TNPO3: variants seen among roughly 807,000 people sequenced by gnomAD.
TNPO3 encodes the protein transportin 3.
Under a neutral mutation model 122.8 loss-of-function variants are expected in TNPO3, and 65 were observed. That is an observed-to-expected ratio of 0.53 (90% CI 0.43 to 0.65). The LOEUF is 0.65. Ranked by LOEUF, TNPO3 falls within the 30% of genes least tolerant of loss-of-function variation. The probability of loss-of-function intolerance (pLI) is 0.00; values close to 1 mark genes in which losing one functional copy is unlikely to be tolerated. For synonymous variants in TNPO3, 372 were observed against 411.2 expected (o/e 0.90, Z 1.15); for missense variants, 850 against 1,136.7 (o/e 0.75, Z 3.63).
At chr7:129,020,327 CT>C (rs1804334266) in intron 1 of TNPO3, among the ~76,000 whole-genome samples, 1 of 152,120 alleles carries the variant, frequency 6.6e-6, no homozygotes, top group Non-Finnish European at 1.5e-5. Flanking sequence ...ACCAATTTTC[CT>C]TTCTCAAGTA....
At chr7:128,969,354 C>T (rs1350293256) in intron 20 of TNPO3, among the ~76,000 whole-genome samples, 1 of 151,988 alleles carries the variant, frequency 6.6e-6, no homozygotes, top group African/African-American at 2.4e-5. Flanking sequence ...TGTATTGAAC[C>T]AGAGAGGAAT....
chr7:128,975,742 G>T, intron 17 of TNPO3, 77 bp downstream of exon 17: 2 of 857,274 alleles, frequency 2.3e-6, no homozygotes, highest in South Asian at 1.5e-5. Context: ...CAGAATTAAA[G>T]ACATGGTAAA....
chr7:128,974,034 C>T (rs1023445655), intron 18 of TNPO3, among the ~76,000 whole-genome samples: 3 of 150,462 alleles, frequency 2.0e-5, no homozygotes, highest in Admixed American at 2.0e-4. Flanking sequence ...ATTAGCTGGG[C>T]ATGGTGGTGG....
At chr7:128,957,909 A>G (rs1362119786) in intron 21 of TNPO3, among the ~76,000 whole-genome samples, 2 of 152,172 alleles carry the variant, frequency 1.3e-5, no homozygotes, top group Non-Finnish European at 2.9e-5. Flanking sequence ...AAAGGGTTAA[A>G]GCATGTAGAA....
In TNPO3 at chr7:129,000,464, G is replaced by C; in HGVS notation, c.976C>G (p.Leu326Val). The C allele has an allele frequency of 6.2e-7, 1 of 1,614,126 alleles. No homozygotes were observed. Among genetic ancestry groups the C allele is most frequent in the Non-Finnish European group, 8.5e-7 (1 of 1,180,000 alleles). ...QGLGDLRTLELLLICAGHPQY... is the reference protein window; with the variant it reads ...QGLGDLRTLEVLLICAGHPQY... Reference sequence around the variant, plus strand: ...GGATGGCCTGCACAGATAAGCAGCAGCTCCAGAGTTCGAAGGTCCCCAAGA... The same window carrying C: ...GGATGGCCTGCACAGATAAGCAGCACCTCCAGAGTTCGAAGGTCCCCAAGA... Residue 326 changes from leucine to valine, a missense_variant, in exon 7 of 23, where the codon CTG (leucine) becomes GTG (valine). Coordinates refer to ENST00000265388, the MANE Select transcript of TNPO3 (RefSeq NM_012470.4).
rs564041510 is a variant in TNPO3 at position 128,998,602 on chromosome 7, C to G, written c.1012-1067G>C. Among the ~76,000 whole-genome samples, 3 of 152,284 alleles carry G rather than the reference C, an allele frequency of 2.0e-5. No homozygotes were observed. The Middle Eastern group carries it at 0.01, about 518-fold the overall frequency. On this transcript the variant is annotated intron_variant, in intron 7 of 22. Transcript: ENST00000265388. ...ACAGTGGTGTAATCATGGCTCACTG[C>G]AGCCTCAAACTCCTGGGCTCAAGTG...
At chr7:128,984,291 T>C (rs1799926083) in intron 12 of TNPO3, 32 bp from the exon 13 acceptor site, 1 of 1,535,210 alleles carries the variant, frequency 6.5e-7, no homozygotes, top group Admixed American at 1.7e-5. Flanking sequence ...AAATGAAAAA[T>C]AAACGCTGAA....
At position 128,970,150 on chromosome 7, in the gene TNPO3, G is replaced by A. The variant is rs746758511; in HGVS notation, c.2596C>T (p.Pro866Ser). Residue 866 changes from proline (P) to serine (S), a missense_variant and splice_region_variant, in exon 20 of 23, where the codon CCG becomes TCG. Physicochemically the swap from Pro to Ser is moderately conservative, Grantham distance 74. Coordinates refer to ENST00000265388, the MANE Select transcript of TNPO3 (RefSeq NM_012470.4). Reference protein sequence around the residue: ...VLWEIMQVDRPTFCRWLENSL... With the variant: ...VLWEIMQVDRSTFCRWLENSL... ...ATTCCTCATGAAAACAATCTTACCG[G>A]TCTGTCAACCTGCATGATCTCCCAG... 2 of 1,614,038 alleles carry A rather than the reference G, an allele frequency of 1.2e-6. No individual in the cohort carries two copies. Among genetic ancestry groups the A allele is most frequent in the Admixed American group, 1.7e-5 (1 of 60,010 alleles).
intron 1 of TNPO3, among the ~76,000 whole-genome samples, chr7:129,048,882 G>T (rs1032657009): frequency 1.3e-5 from 2 of 152,132 alleles, no homozygotes; most frequent in African/African-American, 4.8e-5. Context: ...AATAACCATG[G>T]TTTATTTCTT....
chr7:128,983,410 T>C (rs1010579148), intron 13 of TNPO3, among the ~76,000 whole-genome samples: 5 of 152,152 alleles, frequency 3.3e-5, no homozygotes, highest in Non-Finnish European at 5.9e-5. Context: ...GGTTTCACCA[T>C]GTTGGTCAGA....
intron 4 of TNPO3, among the ~76,000 whole-genome samples, chr7:129,011,543 C>T (rs1252602569): frequency 1.3e-5 from 2 of 151,954 alleles, no homozygotes; most frequent in Non-Finnish European, 1.5e-5. Flanking sequence ...GGGGTTTCAC[C>T]ATGTTGGCCA....
rs756347832 is a variant in TNPO3, at chr7:128,986,837, A to T, written c.1582T>A (p.Ser528Thr). ...AAAKAIHNICSVCRDHMAQHF... is the reference protein window; with the variant it reads ...AAAKAIHNICTVCRDHMAQHF... ...TGAGCCATGTGATCTCGGCAGACAG[A>T]GCAAATGTTATGAATGGCTTTGGCT... The change falls in exon 12 of 23, where the codon TCT becomes ACT. Residue 528 changes from serine to threonine, a missense_variant. By Grantham distance (58) the Ser-to-Thr change is moderately conservative (BLOSUM62 1). Coordinates refer to ENST00000265388, the MANE Select transcript of TNPO3 (RefSeq NM_012470.4). The T allele has an allele frequency of 6.2e-7, 1 of 1,614,102 alleles. No homozygotes were observed. The highest frequency in any genetic ancestry group is 8.5e-7 in the Non-Finnish European group (1 of 1,180,012).
At chr7:128,992,132 A>G in intron 9 of TNPO3, 42 bp from the exon 10 acceptor site, 1 of 1,181,618 alleles carries the variant, frequency 8.5e-7, no homozygotes, top group Admixed American at 2.3e-5. Flanking sequence ...TAAAAGGAAA[A>G]CAGAATGCCA....
chr7:129,025,553 G>C (rs1352200401), intron 1 of TNPO3, among the ~76,000 whole-genome samples: 1 of 151,948 alleles, frequency 6.6e-6, no homozygotes, highest in East Asian at 1.9e-4. Flanking sequence ...TTCTGGAGCG[G>C]AATGGCCAGT....
chr7:129,021,815 T>C (rs1804551944), intron 1 of TNPO3, among the ~76,000 whole-genome samples: 1 of 151,866 alleles, frequency 6.6e-6, no homozygotes, highest in Admixed American at 6.6e-5. Context: ...TTTCAGAAAT[T>C]AGGTAAAAAT....
At chr7:129,004,681 T>C (rs1376546795) in intron 5 of TNPO3, among the ~76,000 whole-genome samples, 3 of 152,210 alleles carry the variant, frequency 2.0e-5, no homozygotes, top group Non-Finnish European at 4.4e-5. Flanking sequence ...AATTATATCA[T>C]GGAAATGTCT....
chr7:129,028,733 C>T (rs1430461185), intron 1 of TNPO3, among the ~76,000 whole-genome samples: 2 of 152,180 alleles, frequency 1.3e-5, no homozygotes, highest in Non-Finnish European at 2.9e-5. Flanking sequence ...TCTGTGGTAC[C>T]CAGGTGCTCT....
At chr7:129,018,596 T>C (rs1047246986) in intron 1 of TNPO3, among the ~76,000 whole-genome samples, 2 of 152,250 alleles carry the variant, frequency 1.3e-5, no homozygotes, top group African/African-American at 4.8e-5. Flanking sequence ...TGTTTTAATA[T>C]ATCTATAAAT....
chr7:128,996,882 C>CT (rs1242473978), intron 8 of TNPO3, among the ~76,000 whole-genome samples: 1 of 151,354 alleles, frequency 6.6e-6, no homozygotes, highest in Non-Finnish European at 1.5e-5. Flanking sequence ...TCATATAACT[C>CT]TTGTTATACT....
Sources: gnomAD v4.1 joint callset for allele counts (sites outside exome capture counted in the v4.1 genomes callset) on GRCh38, gnomAD v4.1.1 for gene constraint, MANE v1.5 for transcripts, NCBI Gene and HGNC (gene_info 2026-07-23, HGNC 2026-07-21) for gene names.